FGF12: variants seen among roughly 807,000 people sequenced by gnomAD.
The protein encoded by FGF12 is fibroblast growth factor 12, also known as fibroblast growth factor 12B.
In FGF12, 14 loss-of-function variants were observed where a neutral mutation model predicts 23.6. The ratio of observed to expected loss-of-function variants is 0.59; its 90% CI spans 0.39 to 0.93. FGF12 has a LOEUF of 0.93. Ranked by LOEUF, FGF12 falls within the 40% of genes least tolerant of loss-of-function variation. The pLI, the probability that FGF12 is intolerant of heterozygous loss-of-function variation, is 0.00. For missense variants in FGF12, 175 were observed against 217.8 expected (o/e 0.80, Z 1.24); for synonymous variants, 62 against 77.3 (o/e 0.80, Z 1.04).
At chr3:192,459,230 T>C (rs1722779615) in intron 2 of FGF12, among the ~76,000 whole-genome samples, 2 of 152,228 alleles carry the variant, frequency 1.3e-5, no homozygotes, top group Non-Finnish European at 2.9e-5. Flanking sequence ...AATTAAATTA[T>C]CAAATACTGG....
At chr3:192,393,605 C>A (rs1233430561) in intron 2 of FGF12, among the ~76,000 whole-genome samples, 4 of 151,366 alleles carry the variant, frequency 2.6e-5, no homozygotes. Flanking sequence ...TCATACTGCA[C>A]AGATAAAGAA....
chr3:192,416,199 T>C (rs186487573), intron 2 of FGF12, among the ~76,000 whole-genome samples: 18 of 152,280 alleles, frequency 1.2e-4, no homozygotes, highest in African/African-American at 4.3e-4. Context: ...AGTAAGATTT[T>C]ACTGGAGATA....
At chr3:192,442,655 A>G (rs1378070467) in intron 2 of FGF12, among the ~76,000 whole-genome samples, 1 of 152,252 alleles carries the variant, frequency 6.6e-6, no homozygotes, top group Non-Finnish European at 1.5e-5. Flanking sequence ...TCAATTCTGA[A>G]TTAACCTTCA....
At chr3:192,391,372 G>A (rs1246104774) in intron 2 of FGF12, among the ~76,000 whole-genome samples, 1 of 152,174 alleles carries the variant, frequency 6.6e-6, no homozygotes, top group Non-Finnish European at 1.5e-5. Flanking sequence ...AATCTCTTAT[G>A]AAAATCCTAA....
At chr3:192,362,649 G>T (rs940170606) in intron 2 of FGF12, among the ~76,000 whole-genome samples, 9 of 152,072 alleles carry the variant, frequency 5.9e-5, no homozygotes, top group Admixed American at 2.0e-4. Context: ...TCAAGTTTTT[G>T]TATCTATATA....
intron 2 of FGF12, among the ~76,000 whole-genome samples, chr3:192,575,380 T>A (rs985601302): frequency 1.3e-5 from 2 of 152,246 alleles, no homozygotes; most frequent in African/African-American, 4.8e-5. Flanking sequence ...GTAAAAATGG[T>A]GATCAAAGCA....
intron 4 of FGF12, among the ~76,000 whole-genome samples, chr3:192,228,978 G>A (rs1444852543): frequency 6.6e-6 from 1 of 151,924 alleles, no homozygotes; most frequent in Non-Finnish European, 1.5e-5. Context: ...TACATATGTA[G>A]CATAATCCTC....
chr3:192,436,013 CAGTT>C (rs1489124027), intron 2 of FGF12, among the ~76,000 whole-genome samples: 13 of 152,202 alleles, frequency 8.5e-5, no homozygotes, highest in African/African-American at 2.7e-4. Context: ...CTACTTCTCT[CAGTT>C]AGCCCAAGCA....
At chr3:192,295,918 T>C (rs1324848297) in intron 4 of FGF12, among the ~76,000 whole-genome samples, 1 of 151,996 alleles carries the variant, frequency 6.6e-6, no homozygotes, top group Non-Finnish European at 1.5e-5. Context: ...GGTCTTGCTC[T>C]GTTGCCCAGG....
intron 3 of FGF12, among the ~76,000 whole-genome samples, chr3:192,356,693 T>A (rs758717537): frequency 1.3e-5 from 2 of 152,216 alleles, no homozygotes; most frequent in Non-Finnish European, 2.9e-5. Flanking sequence ...TAAGGTTGGT[T>A]AGACCTAATG....
At chr3:192,726,088 C>CAT (rs1719205058) in intron 2 of FGF12, among the ~76,000 whole-genome samples, 1 of 152,208 alleles carries the variant, frequency 6.6e-6, no homozygotes, top group African/African-American at 2.4e-5. Context: ...CTTTATTGAA[C>CAT]ATAGAACTGC....
At chr3:192,659,199 G>A (rs1367511975) in intron 2 of FGF12, among the ~76,000 whole-genome samples, 1 of 152,112 alleles carries the variant, frequency 6.6e-6, no homozygotes, top group African/African-American at 2.4e-5. Flanking sequence ...ATACATTAGT[G>A]TGACATCATA....
chr3:192,617,578 T>C (rs1224298005), intron 2 of FGF12, among the ~76,000 whole-genome samples: 1 of 152,112 alleles, frequency 6.6e-6, no homozygotes, highest in Non-Finnish European at 1.5e-5. Context: ...TAAGGCACTA[T>C]TTAGACAGAC....
At chr3:192,681,019 T>C (rs917929881) in intron 2 of FGF12, among the ~76,000 whole-genome samples, 3 of 152,254 alleles carry the variant, frequency 2.0e-5, no homozygotes, top group Non-Finnish European at 4.4e-5. Context: ...GTTATTTGGT[T>C]GTTCAATAAT....
chr3:192,372,586 T>C (rs1001486912), intron 2 of FGF12, among the ~76,000 whole-genome samples: 5 of 152,056 alleles, frequency 3.3e-5, no homozygotes, highest in South Asian at 2.1e-4. Flanking sequence ...ATCCGGACAT[T>C]TGGGGTCTAA....
At chr3:192,540,582 T>G (rs935657835) in intron 2 of FGF12, among the ~76,000 whole-genome samples, 127 of 152,298 alleles carry the variant, frequency 8.3e-4, no homozygotes, top group Non-Finnish European at 3.2e-4. Context: ...TTGAGAATGA[T>G]CCATGTACTG....
chr3:192,143,909 T>C lies in FGF12; in HGVS notation c.*100A>G, dbSNP rs973373560. The C allele has an allele frequency of 2.6e-6, 2 of 772,376 alleles. No homozygotes were observed. Among genetic ancestry groups the C allele is most frequent in the Non-Finnish European group, 4.4e-6 (2 of 450,008 alleles). 47.8% of individuals were successfully genotyped at this position (772,376 alleles called of 1,614,324 possible). On this transcript the variant is annotated 3_prime_UTR_variant, in exon 6 of 6. Coordinates refer to ENST00000445105, the MANE Select transcript of FGF12 (RefSeq NM_004113.6). ...GCCACTAGGTCTTGCGTTGTCATTT[T>C]ATTTTCCTCTCCTTGGGTGGATTTA...
chr3:192,672,705 G>C (rs1240399929), intron 2 of FGF12, among the ~76,000 whole-genome samples: 2 of 150,922 alleles, frequency 1.3e-5, no homozygotes, highest in Non-Finnish European at 3.0e-5. Context: ...TTTCATAAAT[G>C]TTTCAGTTGT....
intron 2 of FGF12, among the ~76,000 whole-genome samples, chr3:192,407,816 G>A (rs1721025775): frequency 6.6e-6 from 1 of 152,174 alleles, no homozygotes; most frequent in African/African-American, 2.4e-5. Flanking sequence ...GTCAAACCCC[G>A]GACTGATCAA....
Sources: allele counts gnomAD v4.1 joint callset (sites outside exome capture counted in the v4.1 genomes callset), GRCh38; gene constraint gnomAD v4.1.1; transcripts MANE v1.5; gene names NCBI Gene and HGNC (gene_info 2026-07-23, HGNC 2026-07-21).